The following TXNDC9 variants were observed in gnomAD, a reference collection of about 807,000 sequenced individuals.
The protein encoded by TXNDC9 is thioredoxin domain-containing protein 9.
Under a neutral mutation model 23.0 loss-of-function variants are expected in TXNDC9, and 7 were observed. The observed-to-expected ratio is 0.30, with a 90% confidence interval of 0.17 to 0.57. The LOEUF (loss-of-function observed/expected upper bound fraction) is 0.57. Among genes scored for constraint, TXNDC9 ranks in the 20% least tolerant of loss-of-function variants. The pLI is 0.90. For synonymous variants in TXNDC9, 72 were observed against 90.6 expected (o/e 0.79, Z 1.17); for missense variants, 198 against 252.6 (o/e 0.78, Z 1.47).
chr2:99,317,503 T>C (rs1348343615), downstream of TXNDC9, among the ~76,000 whole-genome samples: 1 of 152,200 alleles, frequency 6.6e-6, no homozygotes, highest in Admixed American at 6.5e-5. Flanking sequence ...CTACTCCCTC[T>C]AGCCCCAAGG....
intron 2 of TXNDC9, among the ~76,000 whole-genome samples, chr2:99,329,428 C>T (rs928538105): frequency 6.6e-6 from 1 of 152,178 alleles, no homozygotes; most frequent in African/African-American, 2.4e-5. Context: ...CAGAAGGGGT[C>T]CAACCAAAGA....
At chr2:99,306,738 C>T in the TXNDC9 span, 1 of 450,180 alleles carries the variant, frequency 2.2e-6, no homozygotes, top group Admixed American at 2.4e-5. Context: ...TGGTATCTCT[C>T]GGTGGTTCAG....
At chr2:99,330,213 C>G (rs2094221480) in intron 2 of TXNDC9, among the ~76,000 whole-genome samples, 2 of 126,188 alleles carry the variant, frequency 1.6e-5, no homozygotes, top group Admixed American at 1.0e-4. Flanking sequence ...TTGCTTGATC[C>G]TGGGAGGTGG....
the TXNDC9 span, among the ~76,000 whole-genome samples, chr2:99,311,882 CT>C: frequency 1.8e-4 from 28 of 152,212 alleles, no homozygotes; most frequent in Admixed American, 3.3e-4. Flanking sequence ...TAATGACAAG[CT>C]CAAAATTATT....
intron 3 of TXNDC9, among the ~76,000 whole-genome samples, chr2:99,327,070 C>CT (rs575885328): frequency 2.0e-5 from 3 of 151,714 alleles, no homozygotes; most frequent in East Asian, 3.9e-4. Flanking sequence ...TAACAATTAA[C>CT]TTTTTTTTTC....
chr2:99,316,378 G>A (rs990843891), downstream of TXNDC9, among the ~76,000 whole-genome samples: 8 of 151,974 alleles, frequency 5.3e-5, no homozygotes, highest in Non-Finnish European at 1.0e-4. Flanking sequence ...TCACTATATT[G>A]CCCAGGCTGG....
At chr2:99,320,051 A>T (rs2094197838) in intron 4 of TXNDC9, among the ~76,000 whole-genome samples, 1 of 152,212 alleles carries the variant, frequency 6.6e-6, no homozygotes, top group African/African-American at 2.4e-5. Context: ...TCTGTGGCCC[A>T]GGCTGATGTG....
chr2:99,310,546 T>C, the TXNDC9 span, among the ~76,000 whole-genome samples: 1 of 152,276 alleles, frequency 6.6e-6, no homozygotes, highest in East Asian at 1.9e-4. Flanking sequence ...CTGGAACCTA[T>C]GTACATGTTA....
chr2:99,335,990 C>G (rs1045789274), intron 1 of TXNDC9, among the ~76,000 whole-genome samples: 1 of 152,248 alleles, frequency 6.6e-6, no homozygotes, highest in African/African-American at 2.4e-5. Flanking sequence ...GGGCCTGGTC[C>G]TTAACTGAAC....
intron 1 of TXNDC9, 48 bp from the exon 2 acceptor site, chr2:99,333,290 G>T: frequency 1.4e-6 from 2 of 1,469,224 alleles, no homozygotes; most frequent in Non-Finnish European, 1.8e-6. Context: ...CAAACAATAA[G>T]CAAGGTTTTC....
At chr2:99,310,090 TG>T in the TXNDC9 span, among the ~76,000 whole-genome samples, 1 of 152,190 alleles carries the variant, frequency 6.6e-6, no homozygotes, top group Non-Finnish European at 1.5e-5. Flanking sequence ...AAAATATTTG[TG>T]AAAGATCATG....
intron 2 of TXNDC9, among the ~76,000 whole-genome samples, chr2:99,328,330 C>T (rs2094217609): frequency 2.0e-5 from 3 of 150,582 alleles, no homozygotes; most frequent in South Asian, 4.2e-4. Context: ...TCAAACTCCT[C>T]GGTTCAAGCA....
At chr2:99,306,476 T>C in the TXNDC9 span, among the ~76,000 whole-genome samples, 1 of 151,208 alleles carries the variant, frequency 6.6e-6, no homozygotes, top group African/African-American at 2.4e-5. Flanking sequence ...GGCGCTGTGT[T>C]TGGGGAAAAT....
At chr2:99,309,011 T>G in the TXNDC9 span, among the ~76,000 whole-genome samples, 2 of 151,712 alleles carry the variant, frequency 1.3e-5, no homozygotes, top group African/African-American at 4.8e-5. Flanking sequence ...CAAAGTAAAA[T>G]AAATATTAAA....
At chr2:99,329,021 C>G (rs1264389797) in intron 2 of TXNDC9, among the ~76,000 whole-genome samples, 1 of 151,882 alleles carries the variant, frequency 6.6e-6, no homozygotes, top group African/African-American at 2.4e-5. Flanking sequence ...TGAGATAAAC[C>G]CAATTCGTCT....
intron 3 of TXNDC9, among the ~76,000 whole-genome samples, chr2:99,322,952 G>T (rs1381397244): frequency 2.0e-5 from 3 of 152,040 alleles, no homozygotes; most frequent in African/African-American, 7.2e-5. Context: ...TAGTAGAGAC[G>T]GGGTTTCACT....
intron 1 of TXNDC9, 110 bp downstream of exon 1, chr2:99,336,129 G>T: frequency 1.1e-6 from 1 of 924,056 alleles, no homozygotes; most frequent in Non-Finnish European, 1.3e-6. Context: ...CCAGGACACC[G>T]ACACCGGTGC....
intron 3 of TXNDC9, chr2:99,322,833 C>T (rs189934532): frequency 1.5e-4 from 116 of 785,780 alleles, no homozygotes; most frequent in Non-Finnish European, 1.8e-4. Flanking sequence ...ACAAGCTCGG[C>T]TCACTGCAAG....
At position 99,336,302 on chromosome 2, in the gene TXNDC9, G is replaced by A. The variant is rs995322492; in HGVS notation, c.-96C>T. 2.0e-6 allele frequency: 2 copies of A among 985,500 alleles called. No individual in the cohort carries two copies. Among genetic ancestry groups the A allele is most frequent in the East Asian group, 1.1e-4 (1 of 8,822 alleles). 61.0% of individuals were successfully genotyped at this position (985,500 alleles called of 1,614,324 possible). A position where few individuals can be genotyped will look rare whatever the true frequency, so the allele number is the denominator to read the frequency against. ...AGTTTCAAAAGACACGTCCACTCCG[G>A]CTTTTGCCTTGCAGTAGCTGCCGGC... On this transcript the variant is annotated 5_prime_UTR_variant, in exon 1 of 5. Transcript: ENST00000264255.
Sources: allele counts gnomAD v4.1 joint callset (sites outside exome capture counted in the v4.1 genomes callset), GRCh38; gene constraint gnomAD v4.1.1; transcripts MANE v1.5; gene names NCBI Gene and HGNC (gene_info 2026-07-23, HGNC 2026-07-21).